DMXL1: variants seen among roughly 807,000 people sequenced by gnomAD.
DMXL1 encodes Dmx like 1, also known as dmX-like protein 1.
A neutral mutation model predicts 319.2 loss-of-function variants in DMXL1; 99 were observed. The ratio of observed to expected loss-of-function variants is 0.31; its 90% CI spans 0.26 to 0.37. The LOEUF is 0.37. Ranked by LOEUF, DMXL1 falls within the 10% of genes least tolerant of loss-of-function variation. The probability of loss-of-function intolerance (pLI) is 1.00; values close to 1 mark genes in which losing one functional copy is unlikely to be tolerated. For synonymous variants in DMXL1, 1,385 were observed against 1,235.2 expected (o/e 1.12, Z -2.54); for missense variants, 3,745 against 3,595.6 (o/e 1.04, Z -1.06).
intron 35 of DMXL1, among the ~76,000 whole-genome samples, chr5:119,218,847 AT>A (rs889195978): frequency 1.3e-5 from 2 of 151,950 alleles, no homozygotes; most frequent in Non-Finnish European, 2.9e-5. Flanking sequence ...TGCCATTGAG[AT>A]TTTTTTTGCC....
chr5:119,146,777 G>C, intron 15 of DMXL1, 60 bp from the exon 16 acceptor site: 2 of 1,474,624 alleles, frequency 1.4e-6, no homozygotes, highest in Non-Finnish European at 1.8e-6. Flanking sequence ...AACTTGGCAT[G>C]TTTAGCAAGT....
In DMXL1 at chr5:119,237,313, T is replaced by G. The variant is rs894916531; in HGVS notation, c.8467-9T>G. On this transcript the variant is annotated splice_polypyrimidine_tract_variant and intron_variant, in intron 39 of 43. Coordinates refer to ENST00000539542, the MANE Select transcript of DMXL1 (RefSeq NM_001290321.3). ...TATTAAATACTTTTAAATATTTTCT[T>G]TCTCTAAGTTTGGAATAGTTGATGC... 4.0e-6 allele frequency: 6 copies of G among 1,501,108 alleles called. No homozygotes were observed. In the African/African-American group the frequency reaches 8.3e-5, roughly 21 times the overall value. The allele number at this position is 1,501,108 out of a possible 1,614,324, so 93.0% of individuals were successfully genotyped here.
At chr5:119,237,093 T>C (rs1787896697) in intron 39 of DMXL1, 2 of 277,306 alleles carry the variant, frequency 7.2e-6, no homozygotes, top group Non-Finnish European at 1.4e-5. Flanking sequence ...TAGAGGCTAC[T>C]GTAATAAAAT....
Position 119,170,718 on chromosome 5 carries a change from A to C in DMXL1, c.5927A>C (p.Asn1976Thr). Residue 1976 changes from asparagine to threonine, a missense_variant, in exon 24 of 44, where the codon AAT (asparagine) becomes ACT (threonine). Physicochemically the swap from Asn to Thr is moderately conservative, Grantham distance 65. Around this residue, in one of 4 missense-constraint regions of DMXL1, gnomAD observed 1,382 missense variants for 1,269.5 expected, o/e 1.09. Transcript: ENST00000539542. ...LKWDSDNDEE[N>T]EDVPISMKEL... ...TGGGACAGTGATAATGATGAAGAAA[A>C]TGAGGATGTCCCTATTTCAATGAAA... The C allele has an allele frequency of 6.2e-7, 1 of 1,613,282 alleles. No homozygotes were observed. Among genetic ancestry groups the C allele is most frequent in the South Asian group, 1.1e-5 (1 of 90,996 alleles).
At chr5:119,234,573 G>A (rs574180010) in intron 39 of DMXL1, among the ~76,000 whole-genome samples, 2 of 152,246 alleles carry the variant, frequency 1.3e-5, no homozygotes, top group Admixed American at 6.5e-5. Flanking sequence ...TTGAGAGCTT[G>A]TTTCTTAATA....
chr5:119,205,327 A>G (rs1299099047), intron 33 of DMXL1, among the ~76,000 whole-genome samples: 2 of 152,188 alleles, frequency 1.3e-5, no homozygotes, highest in African/African-American at 4.8e-5. Flanking sequence ...ATAGAGTAGT[A>G]TAGTCAAGCC....
At chr5:119,202,649 C>T (rs748592896) in intron 32 of DMXL1, among the ~76,000 whole-genome samples, 2 of 151,754 alleles carry the variant, frequency 1.3e-5, no homozygotes, top group African/African-American at 2.4e-5. Context: ...GTCAGGAGTT[C>T]AAGACCAGCC....
At chr5:119,092,830 A>G (rs375904114) in intron 1 of DMXL1, among the ~76,000 whole-genome samples, 1 of 152,228 alleles carries the variant, frequency 6.6e-6, no homozygotes, top group Non-Finnish European at 1.5e-5. Flanking sequence ...AGCATTTACT[A>G]GTACTTTTTA....
At position 119,248,604 on chromosome 5, in the gene DMXL1, C is replaced by T. The variant is rs892564890; in HGVS notation, c.*1385C>T. ...ATTTTATGTAATAAAATATGGGCAA[C>T]GATTATCTTGGAAATTAAAGAGTCA... On this transcript the variant is annotated 3_prime_UTR_variant, in exon 44 of 44. Coordinates refer to ENST00000539542, the MANE Select transcript of DMXL1 (RefSeq NM_001290321.3). 46 of 152,186 alleles carry T rather than the reference C, an allele frequency of 3.0e-4. No homozygotes were observed. Among genetic ancestry groups the T allele is most frequent in the African/African-American group, 1.1e-3 (45 of 41,420 alleles). 9.4% of individuals were successfully genotyped at this position (152,186 alleles called of 1,614,324 possible).
intron 13 of DMXL1, among the ~76,000 whole-genome samples, chr5:119,140,107 G>T (rs1326501998): frequency 1.3e-5 from 2 of 152,158 alleles, no homozygotes; most frequent in Non-Finnish European, 2.9e-5. Flanking sequence ...GAATCTCTGG[G>T]ACACAACTAA....
intron 17 of DMXL1, among the ~76,000 whole-genome samples, chr5:119,148,466 T>C (rs1769060287): frequency 6.6e-6 from 1 of 152,092 alleles, no homozygotes; most frequent in Non-Finnish European, 1.5e-5. Flanking sequence ...TATCTCAGAG[T>C]TCCCTTTCAA....
At chr5:119,131,310 G>A (rs1009964609) in intron 10 of DMXL1, among the ~76,000 whole-genome samples, 5 of 152,034 alleles carry the variant, frequency 3.3e-5, no homozygotes, top group Non-Finnish European at 5.9e-5. Context: ...TTTGAAAGAG[G>A]AAAGAATATA....
intron 5 of DMXL1, among the ~76,000 whole-genome samples, chr5:119,111,396 T>C (rs1759560938): frequency 6.6e-6 from 1 of 152,204 alleles, no homozygotes; most frequent in African/African-American, 2.4e-5. Context: ...TTAAAAAATA[T>C]GTTGAAATGA....
Position 119,149,455 on chromosome 5 carries a change from G to A in DMXL1, c.3628G>A (p.Asp1210Asn). The change falls in exon 18 of 44, where the codon GAT becomes AAT. Residue 1210 changes from aspartate (D) to asparagine (N), a missense_variant. Physicochemically the swap from Asp to Asn is conservative, Grantham distance 23 (BLOSUM62 1). Around this residue, in one of 4 missense-constraint regions of DMXL1, gnomAD observed 2,096 missense variants for 1,985.4 expected, o/e 1.06. Coordinates refer to ENST00000539542, the MANE Select transcript of DMXL1 (RefSeq NM_001290321.3). ...LRSVDLVSSVDGSPPFPVSLS... is the reference protein window; with the variant it reads ...LRSVDLVSSVNGSPPFPVSLS... ...AAGTGTGGACCTAGTTTCTTCTGTA[G>A]ATGGCTCCCCACCTTTTCCTGTTTC... The A allele has an allele frequency of 6.2e-7, 1 of 1,613,966 alleles. No individual in the cohort carries two copies. Among genetic ancestry groups the A allele is most frequent in the Non-Finnish European group, 8.5e-7 (1 of 1,179,900 alleles).
rs1030303666 is a variant in DMXL1, at chr5:119,129,491, A to T, written c.1315+68A>T. ...ATAGCAAACATTTTCATATTAGGGT[A>T]AAACTAGCTACTTGTAATAAACTTT... On this transcript the variant is annotated intron_variant, in intron 10 of 43. Coordinates refer to ENST00000539542, the MANE Select transcript of DMXL1 (RefSeq NM_001290321.3). 12 of 1,094,330 alleles carry T rather than the reference A, an allele frequency of 1.1e-5. No individual in the cohort carries two copies. In the African/African-American group the frequency reaches 1.1e-4, roughly 10 times the overall value. 67.8% of individuals were successfully genotyped at this position (1,094,330 alleles called of 1,614,324 possible). A position where few individuals can be genotyped will look rare whatever the true frequency, so the allele number is the denominator to read the frequency against.
In DMXL1 at chr5:119,173,776, G is replaced by GTATGTATATATATATATATATATATATA. The variant is rs1554127642; in HGVS notation, c.6682-1482_6682-1481insGTATATATATATATATATATATATATAT. 1.3e-4 allele frequency among the ~76,000 whole-genome samples: 9 copies of GTATGTATATATATATATATATATATATA among 67,172 alleles called. No individual in the cohort carries two copies. In the South Asian group the frequency reaches 4.8e-3, roughly 36 times the overall value. 44.1% of individuals were successfully genotyped at this position (67,172 alleles called of 152,430 possible). ...TGTGTATATATATATATGTGTGTGT[G>GTATGTATATATATATATATATATATATA]TATATATATATATATATATATAATG... On this transcript the variant is annotated intron_variant, in intron 25 of 43. Coordinates refer to ENST00000539542, the MANE Select transcript of DMXL1 (RefSeq NM_001290321.3).
chr5:119,075,241 CT>C (rs201088042), intron 1 of DMXL1, among the ~76,000 whole-genome samples: 57,285 of 122,182 alleles, frequency 0.47, 11,422 homozygotes, highest in East Asian at 0.89. Flanking sequence ...CTTTTTTTTT[CT>C]TTTTTTTTTT....
At chr5:119,078,338 A>G (rs551234239) in intron 1 of DMXL1, among the ~76,000 whole-genome samples, 2 of 152,170 alleles carry the variant, frequency 1.3e-5, no homozygotes, top group Non-Finnish European at 2.9e-5. Flanking sequence ...TTGAAACTGG[A>G]GATTTAGTAT....
At chr5:119,201,361 C>G (rs578234836) in intron 32 of DMXL1, among the ~76,000 whole-genome samples, 5 of 152,000 alleles carry the variant, frequency 3.3e-5, no homozygotes, top group African/African-American at 1.2e-4. Context: ...TTATGTGATT[C>G]ATCACATTTG....
Sources: allele counts gnomAD v4.1 joint callset (sites outside exome capture counted in the v4.1 genomes callset), GRCh38; gene constraint gnomAD v4.1.1; regional missense constraint gnomAD v4.1.1; transcripts MANE v1.5; gene names NCBI Gene and HGNC (gene_info 2026-07-23, HGNC 2026-07-21).